The following GRIP1 variants were observed in gnomAD, a reference collection of about 807,000 sequenced individuals.
The protein encoded by GRIP1 is glutamate receptor interacting protein 1, also known as glutamate receptor-interacting protein 1.
A neutral mutation model predicts 129.9 loss-of-function variants in GRIP1; 45 were observed. The ratio of observed to expected loss-of-function variants is 0.35; its 90% CI spans 0.27 to 0.44. The LOEUF is 0.44. GRIP1 is among the 20% of genes least tolerant of loss of function. The pLI, the probability that GRIP1 is intolerant of heterozygous loss-of-function variation, is 1.00. For missense variants in GRIP1, 1,196 were observed against 1,396.8 expected (o/e 0.86, Z 2.29); for synonymous variants, 530 against 520.8 (o/e 1.02, Z -0.24).
chr12:66,968,400 T>C (rs1245890220), intron 1 of GRIP1, among the ~76,000 whole-genome samples: 1 of 152,128 alleles, frequency 6.6e-6, no homozygotes, highest in Non-Finnish European at 1.5e-5. Flanking sequence ...CTATGTTTTA[T>C]ATATTTTTTT....
intron 7 of GRIP1, among the ~76,000 whole-genome samples, chr12:66,498,218 C>T (rs958982781): frequency 2.6e-5 from 4 of 152,152 alleles, no homozygotes; most frequent in Admixed American, 2.0e-4. Flanking sequence ...TTCACACAGA[C>T]GCGCATGAAA....
Position 66,392,657 on chromosome 12 carries a change from G to A in GRIP1, c.2269+20C>T. 1.2e-6 allele frequency: 2 copies of A among 1,613,246 alleles called. No individual in the cohort carries two copies. Among genetic ancestry groups the A allele is most frequent in the Non-Finnish European group, 8.5e-7 (1 of 1,179,178 alleles). The stretch of plus-strand genomic sequence containing the variant: ...AATGCACTGGAAATCCTTAATTGTG[G>A]CTTTCAATTCACTACTCACCATCTG... On this transcript the variant is annotated intron_variant, in intron 18 of 24. Coordinates refer to ENST00000359742, the MANE Select transcript of GRIP1 (RefSeq NM_001366722.1).
chr12:66,908,969 G>C (rs1322073971), intron 1 of GRIP1, among the ~76,000 whole-genome samples: 1 of 152,130 alleles, frequency 6.6e-6, no homozygotes, highest in Non-Finnish European at 1.5e-5. Context: ...GAGGAGCTTA[G>C]ACTTCACAAT....
chr12:66,411,675 G>A (rs1159405849), intron 15 of GRIP1, among the ~76,000 whole-genome samples: 1 of 152,136 alleles, frequency 6.6e-6, no homozygotes, highest in Non-Finnish European at 1.5e-5. Context: ...GGGTAATAAT[G>A]AACTTCACTG....
chr12:66,705,716 C>G (rs1005152218), intron 1 of GRIP1, among the ~76,000 whole-genome samples: 1 of 151,980 alleles, frequency 6.6e-6, no homozygotes, highest in Admixed American at 6.6e-5. Context: ...ACATATAGAC[C>G]AATGGAACAG....
At chr12:66,794,122 C>T (rs546561787) in intron 1 of GRIP1, among the ~76,000 whole-genome samples, 1 of 152,246 alleles carries the variant, frequency 6.6e-6, no homozygotes, top group Non-Finnish European at 1.5e-5. Flanking sequence ...GCTGTGTTTT[C>T]CTGTGCTACA....
In GRIP1 at chr12:66,766,045, C is replaced by T. The variant is rs1244833190; in HGVS notation, c.-420+38008G>A. 3.9e-5 allele frequency among the ~76,000 whole-genome samples: 6 copies of T among 152,320 alleles called. No homozygotes were observed. In the East Asian group the frequency reaches 1.2e-3, roughly 29 times the overall value. ...ATCCATCCTCCTCCAGGACTCACTA[C>T]ACTGTGGCTCTTGTTTTTTTCCTTT... On this transcript the variant is annotated intron_variant, in intron 1 of 4. Coordinates refer to the GRIP1 transcript ENST00000538373.
intron 4 of GRIP1, among the ~76,000 whole-genome samples, chr12:66,534,532 A>G (rs2061552493): frequency 6.6e-6 from 1 of 152,302 alleles, no homozygotes; most frequent in Admixed American, 6.5e-5. Flanking sequence ...AATATGGCTT[A>G]TAAGGCCATA....
intron 1 of GRIP1, among the ~76,000 whole-genome samples, chr12:66,718,854 AAAAAT>A (rs962506908): frequency 5.9e-5 from 9 of 152,254 alleles, no homozygotes; most frequent in Admixed American, 2.0e-4. Flanking sequence ...CTCCATCTCA[AAAAAT>A]AAAATAAAAT....
intron 1 of GRIP1, among the ~76,000 whole-genome samples, chr12:66,829,474 C>T (rs1031488145): frequency 6.6e-6 from 1 of 152,120 alleles, no homozygotes; most frequent in Non-Finnish European, 1.5e-5. Flanking sequence ...TTTTAAGCCA[C>T]CAAGCTTGTG....
chr12:66,902,626 T>C (rs1365595996), intron 1 of GRIP1, among the ~76,000 whole-genome samples: 2 of 152,212 alleles, frequency 1.3e-5, no homozygotes, highest in Non-Finnish European at 2.9e-5. Flanking sequence ...TTCGGAATAT[T>C]GCAAAAGAGA....
intron 13 of GRIP1, among the ~76,000 whole-genome samples, chr12:66,443,450 C>CA (rs1023745093): frequency 7.3e-6 from 1 of 137,032 alleles, no homozygotes; most frequent in Non-Finnish European, 1.5e-5. Context: ...TTTTCTCTTT[C>CA]TTTTTTTTTT....
At chr12:66,670,087 A>T (rs1255053442) in intron 1 of GRIP1, among the ~76,000 whole-genome samples, 1 of 152,098 alleles carries the variant, frequency 6.6e-6, no homozygotes, top group Admixed American at 6.6e-5. Flanking sequence ...ATGAGGGTGA[A>T]CTCCTTTGCA....
chr12:66,944,697 A>G (rs2041638575), intron 1 of GRIP1, among the ~76,000 whole-genome samples: 1 of 152,206 alleles, frequency 6.6e-6, no homozygotes, highest in African/African-American at 2.4e-5. Context: ...TGTAATGCAG[A>G]GCCCAGGAAG....
intron 7 of GRIP1, among the ~76,000 whole-genome samples, chr12:66,480,253 C>A (rs1287438402): frequency 2.0e-5 from 3 of 152,104 alleles, no homozygotes; most frequent in Non-Finnish European, 4.4e-5. Flanking sequence ...GCAAAAATAA[C>A]AAGCATTCCT....
At chr12:66,355,744 G>A (rs2054458928) in intron 23 of GRIP1, among the ~76,000 whole-genome samples, 2 of 152,224 alleles carry the variant, frequency 1.3e-5, no homozygotes, top group East Asian at 1.9e-4. Context: ...AGCTCCTTGA[G>A]GGGAGTAGGG....
At chr12:67,018,648 G>A (rs553585984) in intron 1 of GRIP1, among the ~76,000 whole-genome samples, 4 of 152,140 alleles carry the variant, frequency 2.6e-5, no homozygotes, top group South Asian at 4.2e-4. Context: ...TCCATAGTTG[G>A]CTTTCAAACT....
chr12:66,953,108 A>G (rs2041785159), intron 1 of GRIP1, among the ~76,000 whole-genome samples: 2 of 152,272 alleles, frequency 1.3e-5, no homozygotes, highest in African/African-American at 4.8e-5. Flanking sequence ...TTCAGCCAGC[A>G]ACAAATGGAG....
chr12:66,882,533 C>T lies in GRIP1; in HGVS notation c.58+186517G>A, dbSNP rs180902802. 1.6e-3 allele frequency among the ~76,000 whole-genome samples: 242 copies of T among 152,236 alleles called. 1 individual carries two copies. Among genetic ancestry groups the T allele is most frequent in the Non-Finnish European group, 3.0e-3 (203 of 68,012 alleles). On this transcript the variant is annotated intron_variant, in intron 1 of 1. Coordinates refer to the GRIP1 transcript ENST00000643019. ...CTTAACTTCTCTGTGCCTCAGTTCCCTTATCTGTAAAATGAGACTATTGTG... is the reference window on the plus strand; with the variant it reads ...CTTAACTTCTCTGTGCCTCAGTTCCTTTATCTGTAAAATGAGACTATTGTG...
Sources: gnomAD v4.1 joint callset for allele counts (sites outside exome capture counted in the v4.1 genomes callset) on GRCh38, gnomAD v4.1.1 for gene constraint, MANE v1.5 for transcripts, NCBI Gene and HGNC (gene_info 2026-07-23, HGNC 2026-07-21) for gene names.